Variants in ANXA6 observed in about 807,000 individuals in gnomAD.
ANXA6 encodes annexin A6.
ANXA6 carries 71 observed loss-of-function variants against 95.4 expected under a neutral mutation model. The ratio of observed to expected loss-of-function variants is 0.74; its 90% CI spans 0.61 to 0.91. The LOEUF is 0.91. Ranked by LOEUF, ANXA6 falls within the 40% of genes least tolerant of loss-of-function variation. ANXA6 has a pLI of 0.00. For synonymous variants in ANXA6, 289 were observed against 315.9 expected, an observed-to-expected ratio of 0.91 and a Z score of 0.90; for missense variants, 830 against 876.4, an observed-to-expected ratio of 0.95 and a Z score of 0.67.
At chr5:151,102,753 G>A (rs116404933) in intron 25 of ANXA6, among the ~76,000 whole-genome samples, 1,769 of 152,110 alleles carry the variant, frequency 0.012, 27 homozygotes, top group African/African-American at 0.04. Context: ...CACATATTAG[G>A]TGATTCCATT....
intron 18 of ANXA6, 99 bp downstream of exon 18, chr5:151,119,201 G>A (rs927777153): frequency 9.2e-6 from 9 of 976,586 alleles, no homozygotes; most frequent in Non-Finnish European, 1.3e-5. Context: ...TGAGGGAAAG[G>A]AGACAGGCCA....
At chr5:151,142,914 C>G (rs1765875725) in intron 2 of ANXA6, among the ~76,000 whole-genome samples, 1 of 152,220 alleles carries the variant, frequency 6.6e-6, no homozygotes. Context: ...TGCAGGCTAG[C>G]CTGTTGCCAT....
At chr5:151,129,363 A>G (rs1765425112) in intron 12 of ANXA6, 44 bp downstream of exon 12, 1 of 1,608,736 alleles carries the variant, frequency 6.2e-7, no homozygotes, top group Non-Finnish European at 8.5e-7. Context: ...TGTCTTGGCA[A>G]AAAGCTCTTT....
intron 1 of ANXA6, chr5:151,155,806 C>T (rs1346649932): frequency 6.6e-6 from 1 of 152,264 alleles, no homozygotes; most frequent in African/African-American, 2.4e-5. Flanking sequence ...GGGGCTAAGC[C>T]CCAGAGGGGT....
Position 151,137,233 on chromosome 5 carries a change from TC to T in ANXA6, c.406del (p.Asp136MetfsTer36). 6.2e-7 allele frequency: 1 copy of T among 1,613,450 alleles called. No individual in the cohort carries two copies. The highest frequency in any genetic ancestry group is 8.5e-7 in the Non-Finnish European group (1 of 1,179,596). On this transcript the variant is annotated frameshift_variant, in exon 6 of 26. Coordinates refer to ENST00000354546, the MANE Select transcript of ANXA6 (RefSeq NM_001155.5). LOFTEE classifies it high-confidence loss of function. Reference protein sequence around the residue: ...QMHQLVAAYKDAYERDLEADI... With the variant: ...QMHQLVAAYKXAYERDLEADI... ...GCGGCCCCTCCTGCCCATCTCACCA[TC>T]TTTGTATGCTGCCACCAGCTGGTGC... is the stretch of plus-strand genomic sequence containing the variant.
chr5:151,112,783 C>T (rs1005136784), intron 20 of ANXA6, among the ~76,000 whole-genome samples: 2 of 152,136 alleles, frequency 1.3e-5, no homozygotes, highest in African/African-American at 2.4e-5. Flanking sequence ...AAGATTGTGC[C>T]ACTGCACTCC....
At chr5:151,139,832 C>A (rs900935547) in intron 3 of ANXA6, among the ~76,000 whole-genome samples, 1 of 152,130 alleles carries the variant, frequency 6.6e-6, no homozygotes, top group African/African-American at 2.4e-5. Context: ...GCACCACCTT[C>A]GGATTGTGGC....
chr5:151,129,178 C>G (rs1765417021), intron 12 of ANXA6, among the ~76,000 whole-genome samples: 1 of 152,192 alleles, frequency 6.6e-6, no homozygotes. Flanking sequence ...CCTTCATGAC[C>G]CAGCCCCTGC....
intron 1 of ANXA6, among the ~76,000 whole-genome samples, chr5:151,148,170 GCACTGA>G (rs1766017612): frequency 1.3e-5 from 2 of 152,024 alleles, no homozygotes; most frequent in African/African-American, 4.8e-5. Context: ...GGCGGGCATG[GCACTGA>G]CCCACCACTG....
intron 2 of ANXA6, among the ~76,000 whole-genome samples, chr5:151,145,803 C>T (rs191299296): frequency 9.9e-5 from 15 of 152,246 alleles, no homozygotes; most frequent in Admixed American, 7.8e-4. Context: ...CACTGCACCC[C>T]AAGCATACCA....
intron 1 of ANXA6, among the ~76,000 whole-genome samples, chr5:151,156,397 C>T (rs1242524188): frequency 1.3e-5 from 2 of 152,206 alleles, no homozygotes; most frequent in South Asian, 2.1e-4. Context: ...CCAGTGCCCT[C>T]GGCGTGGCTC....
chr5:151,147,826 G>A, intron 2 of ANXA6, 58 bp downstream of exon 2: 1 of 1,563,736 alleles, frequency 6.4e-7, no homozygotes, highest in Admixed American at 1.9e-5. Flanking sequence ...GTGGCTCCAG[G>A]AGGATCCCAG....
intron 15 of ANXA6, 69 bp downstream of exon 15, chr5:151,124,217 A>G: frequency 7.2e-7 from 1 of 1,380,504 alleles, no homozygotes; most frequent in Non-Finnish European, 1.0e-6. Flanking sequence ...ATCCCCTGCC[A>G]GCCCACGGCC....
In ANXA6 at chr5:151,132,516, C is replaced by A. The variant is rs937887243; in HGVS notation, c.696G>T (p.Gly232=). 4 of 1,613,352 alleles carry A rather than the reference C, an allele frequency of 2.5e-6. No homozygotes were observed. The highest frequency in any genetic ancestry group is 3.4e-6 in the Non-Finnish European group (4 of 1,179,764). Residue 232 remains glycine (G), a synonymous_variant, in exon 10 of 26, where the codon GGG becomes GGT. Transcript: ENST00000354546. ...TGKPIEASIR[G]ELSGDFEKLM... is the part of the protein sequence containing the mutation. ...GCTTCTCAAAGTCCCCAGACAGCTC[C>A]CCTCGGATGCTGGCTTCAATCGGCT...
chr5:151,108,731 A>G (rs1422328465), intron 22 of ANXA6, among the ~76,000 whole-genome samples, 181 bp from the exon 23 acceptor site: 1 of 152,248 alleles, frequency 6.6e-6, no homozygotes, highest in South Asian at 2.1e-4. Flanking sequence ...AGAAGCTCTG[A>G]CATCAAGGCT....
intron 23 of ANXA6, 64 bp downstream of exon 23, chr5:151,108,391 T>A (rs1764757818): frequency 1.4e-6 from 2 of 1,460,066 alleles, no homozygotes; most frequent in Non-Finnish European, 1.9e-6. Context: ...AAGGTTCTAT[T>A]CTTCCAGAGA....
At chr5:151,152,296 T>C (rs1319826878) in intron 1 of ANXA6, among the ~76,000 whole-genome samples, 1 of 152,184 alleles carries the variant, frequency 6.6e-6, no homozygotes, top group Non-Finnish European at 1.5e-5. Flanking sequence ...CAGTAAAGGC[T>C]CAATAAATGG....
chr5:151,132,582 CAGAG>C lies in ANXA6; in HGVS notation c.641-15_641-12del. ...GATACTCATCGAACACTGCGTCAGA[CAGAG>C]AGACAGGGAGGTTTGAGAGTGCCTC... On this transcript the variant is annotated splice_polypyrimidine_tract_variant and intron_variant, in intron 9 of 25. Coordinates refer to ENST00000354546, the MANE Select transcript of ANXA6 (RefSeq NM_001155.5). 2 of 1,609,658 alleles carry C rather than the reference CAGAG, an allele frequency of 1.2e-6. No individual in the cohort carries two copies. The highest frequency in any genetic ancestry group is 1.7e-6 in the Non-Finnish European group (2 of 1,178,106).
intron 2 of ANXA6, among the ~76,000 whole-genome samples, chr5:151,142,127 T>A (rs1331973573): frequency 6.6e-6 from 1 of 152,202 alleles, no homozygotes; most frequent in Non-Finnish European, 1.5e-5. Context: ...TCTGGACACC[T>A]CCAGTCCAGC....
Sources: allele counts gnomAD v4.1 joint callset (sites outside exome capture counted in the v4.1 genomes callset), GRCh38; gene constraint gnomAD v4.1.1; transcripts MANE v1.5; gene names NCBI Gene and HGNC (gene_info 2026-07-23, HGNC 2026-07-21).